The following ANO2 variants were observed in gnomAD, a reference collection of about 807,000 sequenced individuals.
The protein encoded by ANO2 is anoctamin 2.
A neutral mutation model predicts 124.2 loss-of-function variants in ANO2; 101 were observed. The observed-to-expected ratio is 0.81, with a 90% confidence interval of 0.69 to 0.96. The LOEUF (loss-of-function observed/expected upper bound fraction) is 0.96, where lower values mean the gene tolerates loss of function less well. Ranked by LOEUF, ANO2 falls within the 40% of genes least tolerant of loss-of-function variation. The pLI is 0.00. For synonymous variants in ANO2, 486 were observed against 482.5 expected, an observed-to-expected ratio of 1.01 and a Z score of -0.09; for missense variants, 1,293 against 1,274.5, an observed-to-expected ratio of 1.01 and a Z score of -0.22.
intron 1 of ANO2, among the ~76,000 whole-genome samples, chr12:5,942,531 AG>A (rs1385369297): frequency 2.6e-5 from 4 of 152,208 alleles, no homozygotes; most frequent in Non-Finnish European, 5.9e-5. Context: ...TTTGAATGCC[AG>A]GAACACGTGG....
rs1950501003 is a variant in ANO2, at chr12:5,727,822, T to TC, written c.1545+4697_1545+4698insG. 5.3e-5 allele frequency among the ~76,000 whole-genome samples: 8 copies of TC among 150,428 alleles called. No individual in the cohort carries two copies. In the South Asian group the frequency reaches 1.7e-3, roughly 32 times the overall value. On this transcript the variant is annotated intron_variant, in intron 14 of 24. Coordinates refer to ENST00000682330, the MANE Select transcript of ANO2 (RefSeq NM_001364791.2). ...CCGGCTACTTTTTTCTTTTTTTTTT[T>TC]TCGAGACAGAGTCTTGCTCTGTCCC...
chr12:5,598,591 G>A (rs1368472774), intron 20 of ANO2, among the ~76,000 whole-genome samples: 1 of 152,158 alleles, frequency 6.6e-6, no homozygotes, highest in Non-Finnish European at 1.5e-5. Context: ...CCTGACCTCA[G>A]GTGATCCACC....
At chr12:5,777,890 T>C (rs946019675) in intron 10 of ANO2, among the ~76,000 whole-genome samples, 3 of 152,150 alleles carry the variant, frequency 2.0e-5, no homozygotes, top group Non-Finnish European at 2.9e-5. Flanking sequence ...AGCCCCCAAA[T>C]GTCAAACACT....
chr12:5,720,985 C>G (rs529117326), intron 14 of ANO2, among the ~76,000 whole-genome samples: 1 of 152,192 alleles, frequency 6.6e-6, no homozygotes, highest in South Asian at 2.1e-4. Context: ...ACTTGGGATG[C>G]GTAATTCACA....
chr12:5,846,971 T>A (rs943220569), intron 4 of ANO2, among the ~76,000 whole-genome samples: 1 of 152,218 alleles, frequency 6.6e-6, no homozygotes. Context: ...ACTTGGAAAG[T>A]ACAAGCCTTG....
chr12:5,702,888 A>G (rs1310331841), intron 14 of ANO2, among the ~76,000 whole-genome samples: 1 of 152,216 alleles, frequency 6.6e-6, no homozygotes, highest in Non-Finnish European at 1.5e-5. Flanking sequence ...GATATAGAAT[A>G]AGAAGAATTT....
chr12:5,912,851 G>A lies in ANO2; in HGVS notation c.534+8189C>T, dbSNP rs183942418. Among the ~76,000 whole-genome samples the A allele has an allele frequency of 1.1e-4, 17 of 152,310 alleles. No homozygotes were observed. In the East Asian group the frequency reaches 1.7e-3, roughly 16 times the overall value. On this transcript the variant is annotated intron_variant, in intron 3 of 24. Transcript: ENST00000682330. ...CCCAGTCATTAGTGTGAGCAGCAGC[G>A]GCACGACTGTTCCTACACTCAGGAG...
chr12:5,573,283 T>C (rs1942225451), intron 23 of ANO2, among the ~76,000 whole-genome samples: 1 of 152,198 alleles, frequency 6.6e-6, no homozygotes, highest in Non-Finnish European at 1.5e-5. Context: ...AGCATATTCA[T>C]AGGTGTTAGT....
chr12:5,650,165 G>T (rs958864278), intron 14 of ANO2, among the ~76,000 whole-genome samples: 21 of 152,108 alleles, frequency 1.4e-4, no homozygotes, highest in African/African-American at 5.1e-4. Context: ...AGATACTGAG[G>T]ACACGCTGAG....
At chr12:5,934,963 C>T (rs1213650033) in intron 1 of ANO2, among the ~76,000 whole-genome samples, 1 of 152,234 alleles carries the variant, frequency 6.6e-6, no homozygotes, top group Non-Finnish European at 1.5e-5. Flanking sequence ...ATAGCTCCCA[C>T]TCTCAGGCTA....
intron 17 of ANO2, 63 bp from the exon 18 acceptor site, chr12:5,613,021 A>C (rs1345906972): frequency 6.6e-7 from 1 of 1,525,614 alleles, no homozygotes; most frequent in South Asian, 1.1e-5. Flanking sequence ...GCTCAAGGAC[A>C]TGTCTTCTGA....
chr12:5,607,493 T>G (rs943243973), intron 19 of ANO2, among the ~76,000 whole-genome samples: 2 of 152,074 alleles, frequency 1.3e-5, no homozygotes, highest in African/African-American at 4.8e-5. Flanking sequence ...GTGAGTATAT[T>G]GTAAAGCCTG....
intron 14 of ANO2, among the ~76,000 whole-genome samples, chr12:5,714,680 T>G (rs1949950325): frequency 6.6e-6 from 1 of 152,192 alleles, no homozygotes; most frequent in African/African-American, 2.4e-5. Flanking sequence ...TTCTTCTTCC[T>G]CCTCTTCTTC....
intron 4 of ANO2, among the ~76,000 whole-genome samples, chr12:5,845,014 G>C (rs924058746): frequency 6.8e-6 from 1 of 147,838 alleles, no homozygotes; most frequent in Non-Finnish European, 1.5e-5. Flanking sequence ...CCTCACAGCT[G>C]TAATCCCAGC....
At chr12:5,779,702 C>T (rs1310381916) in intron 10 of ANO2, among the ~76,000 whole-genome samples, 1 of 152,178 alleles carries the variant, frequency 6.6e-6, no homozygotes, top group Non-Finnish European at 1.5e-5. Flanking sequence ...CACGCACCTC[C>T]TCTCAGGATG....
chr12:5,897,131 G>A (rs1158782334), intron 3 of ANO2, among the ~76,000 whole-genome samples: 5 of 151,952 alleles, frequency 3.3e-5, no homozygotes, highest in African/African-American at 7.3e-5. Context: ...AGAGACATGA[G>A]AGGTGTAAAA....
At chr12:5,685,762 G>A (rs1191330255) in intron 14 of ANO2, among the ~76,000 whole-genome samples, 3 of 151,864 alleles carry the variant, frequency 2.0e-5, no homozygotes, top group Admixed American at 6.6e-5. Context: ...GGGCAACAAA[G>A]TGAGACCCTG....
chr12:5,766,246 T>C lies in ANO2; in HGVS notation c.1056-15276A>G, dbSNP rs538573939. Reference sequence around the variant, plus strand: ...ACACATATGTGCACCAAAAGACACATACAGGGAGGTTCAGAGCAACACTAT... The same window carrying C: ...ACACATATGTGCACCAAAAGACACACACAGGGAGGTTCAGAGCAACACTAT... On this transcript the variant is annotated intron_variant, in intron 10 of 24. Transcript: ENST00000682330. 5.3e-5 allele frequency among the ~76,000 whole-genome samples: 8 copies of C among 152,272 alleles called. No individual in the cohort carries two copies. In the East Asian group the frequency reaches 9.7e-4, roughly 18 times the overall value.
chr12:5,698,894 GA>G (rs1237307121), intron 14 of ANO2, among the ~76,000 whole-genome samples: 1 of 152,240 alleles, frequency 6.6e-6, no homozygotes, highest in South Asian at 2.1e-4. Context: ...GAAGTTTAGA[GA>G]AAAAAGAGTA....
Sources: gnomAD v4.1 joint callset for allele counts (sites outside exome capture counted in the v4.1 genomes callset) on GRCh38, gnomAD v4.1.1 for gene constraint, MANE v1.5 for transcripts, NCBI Gene and HGNC (gene_info 2026-07-23, HGNC 2026-07-21) for gene names.